CEP57L1: variants seen among roughly 807,000 people sequenced by gnomAD.
The protein encoded by CEP57L1 is centrosomal protein 57 like 1, also known as centrosomal protein CEP57L1.
Under a neutral mutation model 61.0 loss-of-function variants are expected in CEP57L1, and 37 were observed. That is an observed-to-expected ratio of 0.61 (90% CI 0.47 to 0.80). The LOEUF (loss-of-function observed/expected upper bound fraction) is 0.80. Ranked by LOEUF, CEP57L1 falls within the 30% of genes least tolerant of loss-of-function variation. CEP57L1 has a pLI of 0.00. For missense variants in CEP57L1, 422 were observed against 524.7 expected (o/e 0.80, Z 1.91); for synonymous variants, 137 against 162.3 (o/e 0.84, Z 1.19).
chr6:109,161,000 TAGC>T (rs1773670971), intron 10 of CEP57L1, among the ~76,000 whole-genome samples: 1 of 152,188 alleles, frequency 6.6e-6, no homozygotes, highest in African/African-American at 2.4e-5. Context: ...AAACTTGCCT[TAGC>T]AGCCCTCCAG....
intron 4 of CEP57L1, among the ~76,000 whole-genome samples, chr6:109,152,444 A>G (rs1361851828): frequency 6.6e-6 from 1 of 152,146 alleles, no homozygotes; most frequent in Non-Finnish European, 1.5e-5. Flanking sequence ...TGGCCTCCCA[A>G]AGTGCTGGGA....
intron 1 of CEP57L1, among the ~76,000 whole-genome samples, chr6:109,126,531 T>C (rs1218028036): frequency 6.6e-6 from 1 of 152,140 alleles, no homozygotes; most frequent in Non-Finnish European, 1.5e-5. Flanking sequence ...CAGTTTTATA[T>C]TGTTCCTCAT....
At chr6:109,154,642 G>A (rs1045897761) in intron 5 of CEP57L1, among the ~76,000 whole-genome samples, 33 of 151,944 alleles carry the variant, frequency 2.2e-4, no homozygotes, top group African/African-American at 8.0e-4. Flanking sequence ...ATGTTCACTG[G>A]AGCATATAGG....
intron 1 of CEP57L1, among the ~76,000 whole-genome samples, chr6:109,108,071 G>C (rs1771140004): frequency 6.6e-6 from 1 of 152,174 alleles, no homozygotes; most frequent in African/African-American, 2.4e-5. Flanking sequence ...TAAAGTTATG[G>C]AGAAGTTAAG....
intron 1 of CEP57L1, among the ~76,000 whole-genome samples, chr6:109,139,091 C>T (rs891763832): frequency 1.3e-5 from 2 of 152,176 alleles, no homozygotes; most frequent in Non-Finnish European, 2.9e-5. Flanking sequence ...ATAAGAGTTA[C>T]TTGAACACAA....
rs1774061783 is a variant in CEP57L1, at chr6:109,165,784, G to T, written c.*2814G>T. ...GCCAGAGCCTTTGACTCCTCAGGGG[G>T]TGGAGCAAAAGATTTCTTTCCTGGA... On this transcript the variant is annotated 3_prime_UTR_variant, in exon 11 of 11. Transcript: ENST00000517392. 2 of 152,206 alleles carry T rather than the reference G, an allele frequency of 1.3e-5. No individual in the cohort carries two copies. The highest frequency in any genetic ancestry group is 1.3e-4 in the Admixed American group (2 of 15,282). The allele number at this position is 152,206 out of a possible 1,614,324, so 9.4% of individuals were successfully genotyped here. A position where few individuals can be genotyped will look rare whatever the true frequency, so the allele number is the denominator to read the frequency against.
chr6:109,099,463 G>A (rs1452083914), intron 1 of CEP57L1, among the ~76,000 whole-genome samples: 1 of 152,172 alleles, frequency 6.6e-6, no homozygotes, highest in Admixed American at 6.5e-5. Context: ...GCAACATGGA[G>A]GTCATTGGGA....
chr6:109,150,006 A>G, intron 3 of CEP57L1, 112 bp from the exon 4 acceptor site: 1 of 523,696 alleles, frequency 1.9e-6, no homozygotes, highest in South Asian at 2.1e-5. Context: ...TTATCAGCTT[A>G]AGGAGATTTT....
chr6:109,104,879 A>G (rs964510058), intron 1 of CEP57L1, among the ~76,000 whole-genome samples: 2 of 152,136 alleles, frequency 1.3e-5, no homozygotes, highest in African/African-American at 2.4e-5. Flanking sequence ...GAGCCACTGC[A>G]CTGGGTCCTG....
intron 1 of CEP57L1, among the ~76,000 whole-genome samples, chr6:109,135,347 A>G (rs1196248422): frequency 6.6e-6 from 1 of 152,232 alleles, no homozygotes; most frequent in Non-Finnish European, 1.5e-5. Flanking sequence ...GTGCTGGGAA[A>G]ACTGGCTAGC....
chr6:109,164,687 G>C lies in CEP57L1; in HGVS notation c.*1717G>C, dbSNP rs1429756086. ...GACCATAATGCAGACCTATAGTTCT[G>C]TGCCTTTGTTTTCTATACATTTAGG... On this transcript the variant is annotated 3_prime_UTR_variant, in exon 11 of 11. Coordinates refer to ENST00000517392, the MANE Select transcript of CEP57L1 (RefSeq NM_001271852.3). Among the ~76,000 whole-genome samples, 6 of 152,118 alleles carry C rather than the reference G, an allele frequency of 3.9e-5. No individual in the cohort carries two copies. The East Asian group carries it at 1.2e-3, about 29-fold the overall frequency.
At chr6:109,100,826 G>A (rs988145872) in intron 1 of CEP57L1, among the ~76,000 whole-genome samples, 2 of 151,698 alleles carry the variant, frequency 1.3e-5, no homozygotes, top group Non-Finnish European at 2.9e-5. Flanking sequence ...CTGCTTTTTG[G>A]CTGGGCATGG....
At chr6:109,160,481 A>G in intron 9 of CEP57L1, 91 bp from the exon 10 acceptor site, 2 of 1,055,496 alleles carry the variant, frequency 1.9e-6, no homozygotes, top group Non-Finnish European at 2.8e-6. Context: ...TCTGACTAAA[A>G]TTTATGATTG....
intron 4 of CEP57L1, among the ~76,000 whole-genome samples, chr6:109,153,414 T>C (rs1329583444): frequency 6.6e-6 from 1 of 151,484 alleles, no homozygotes; most frequent in Admixed American, 6.6e-5. Context: ...TCCAGCTGAT[T>C]TTTAAGTTTT....
chr6:109,136,731 TTTTATTTTATTTTATTTTATTTTATTTTA>T (rs1162585059), intron 1 of CEP57L1, among the ~76,000 whole-genome samples: 3 of 147,140 alleles, frequency 2.0e-5, no homozygotes, highest in African/African-American at 7.7e-5. Context: ...TTTTATTTTA[TTTTATTTTATTTTATTTTATTTTATTTTA>T]TTTATTTTTT....
At chr6:109,126,509 A>G (rs115711386) in intron 1 of CEP57L1, among the ~76,000 whole-genome samples, 2,578 of 152,260 alleles carry the variant, frequency 0.017, 88 homozygotes, top group African/African-American at 0.059. Context: ...TAAAAAATAG[A>G]CTATAATTAT....
At chr6:109,147,604 T>G (rs555124566) in intron 3 of CEP57L1, among the ~76,000 whole-genome samples, 2 of 152,270 alleles carry the variant, frequency 1.3e-5, no homozygotes, top group South Asian at 4.1e-4. Flanking sequence ...AAAATATTTC[T>G]GAGGTAATTG....
rs375792125 is a variant in CEP57L1, at chr6:109,155,226, G to T, written c.580-4G>T. 4.5e-6 allele frequency: 7 copies of T among 1,542,900 alleles called. No homozygotes were observed. Among genetic ancestry groups the T allele is most frequent in the Admixed American group, 1.9e-5 (1 of 52,088 alleles). On this transcript the variant is annotated splice_region_variant and splice_polypyrimidine_tract_variant and intron_variant, in intron 5 of 10. Transcript: ENST00000517392. ...TAACAATCTTAGTTTTTACTCTTTT[G>T]CAGGACAAGATTAAACATTTAGAAG...
intron 1 of CEP57L1, among the ~76,000 whole-genome samples, chr6:109,109,372 A>T (rs1021723948): frequency 1.3e-5 from 2 of 152,174 alleles, no homozygotes; most frequent in African/African-American, 4.8e-5. Context: ...TGTTTTACCA[A>T]TTTCCTGAAA....
Sources: gnomAD v4.1 joint callset for allele counts (sites outside exome capture counted in the v4.1 genomes callset) on GRCh38, gnomAD v4.1.1 for gene constraint, MANE v1.5 for transcripts, NCBI Gene and HGNC (gene_info 2026-07-23, HGNC 2026-07-21) for gene names.